The following HIBCH variants were observed in gnomAD, a reference collection of about 807,000 sequenced individuals.
The protein encoded by HIBCH is 3-hydroxyisobutyryl-CoA hydrolase, mitochondrial.
A neutral mutation model predicts 58.2 loss-of-function variants in HIBCH; 50 were observed. The observed-to-expected ratio is 0.86, with a 90% confidence interval of 0.68 to 1.09. The LOEUF (loss-of-function observed/expected upper bound fraction) is 1.09, where lower values mean the gene tolerates loss of function less well. Among genes scored for constraint, HIBCH ranks in the 50% least tolerant of loss-of-function variants. HIBCH has a pLI of 0.00. For missense variants in HIBCH, 450 were observed against 449.7 expected (o/e 1.00, Z -0.01); for synonymous variants, 151 against 146.9 (o/e 1.03, Z -0.20).
rs765699661 is a variant in HIBCH, at chr2:190,304,324, C to A, written c.78+6430G>T. ...GCTGATGTCCAAAGTCAAAAGGATA[C>A]ATCTAGTGAGGGCCTTCTTACTGGT... On this transcript the variant is annotated intron_variant, in intron 2 of 13. Coordinates refer to ENST00000359678, the MANE Select transcript of HIBCH (RefSeq NM_014362.4). The surrounding 1 kb of genome is among the most constrained non-coding windows in gnomAD (Gnocchi z 4.1). Among the ~76,000 whole-genome samples the A allele has an allele frequency of 6.6e-6, 1 of 151,344 alleles. No homozygotes were observed. The highest frequency in any genetic ancestry group is 1.5e-5 in the Non-Finnish European group (1 of 67,898).
chr2:190,271,512 G>C (rs1332747313), intron 6 of HIBCH, among the ~76,000 whole-genome samples: 1 of 151,716 alleles, frequency 6.6e-6, no homozygotes, highest in Non-Finnish European at 1.5e-5. Context: ...GCTGGTCTGA[G>C]ACTCCCAACC....
At chr2:190,220,313 T>TC (rs1685680816) in intron 11 of HIBCH, 1 of 152,166 alleles carries the variant, frequency 6.6e-6, no homozygotes, top group Non-Finnish European at 1.5e-5. Flanking sequence ...ATTCCCTACT[T>TC]CAAGATTCTG....
At chr2:190,287,810 C>G (rs944048641) in intron 5 of HIBCH, among the ~76,000 whole-genome samples, 172 bp from the exon 6 acceptor site, 1 of 152,104 alleles carries the variant, frequency 6.6e-6, no homozygotes, top group Non-Finnish European at 1.5e-5. Context: ...AAATGTCAAT[C>G]CAACACAATC....
intron 6 of HIBCH, among the ~76,000 whole-genome samples, chr2:190,272,055 T>G (rs1182604932): frequency 6.6e-6 from 1 of 152,186 alleles, no homozygotes; most frequent in African/African-American, 2.4e-5. Flanking sequence ...TAATTCCTCC[T>G]TCCTTAAGCC....
intron 2 of HIBCH, among the ~76,000 whole-genome samples, chr2:190,309,731 T>C (rs79012887): frequency 6.8e-6 from 1 of 146,782 alleles, no homozygotes; most frequent in Non-Finnish European, 1.5e-5. Flanking sequence ...AATTTTTGTA[T>C]TTTTTTTTTA....
In HIBCH at chr2:190,315,637, AATT is replaced by A. The variant is rs1262925944; in HGVS notation, c.35+4076_35+4078del. Among the ~76,000 whole-genome samples, 1 of 152,238 alleles carries A rather than the reference AATT, an allele frequency of 6.6e-6. No homozygotes were observed. The highest frequency in any genetic ancestry group is 2.4e-5 in the African/African-American group (1 of 41,464). ...ACATCACAAAGTAGTGCTTAGTGAA[AATT>A]ATTATCCCAGAAGTAGGCAAGGTGT... On this transcript the variant is annotated intron_variant, in intron 1 of 13. Coordinates refer to ENST00000359678, the MANE Select transcript of HIBCH (RefSeq NM_014362.4). The surrounding 1 kb of genome is among the most constrained non-coding windows in gnomAD (Gnocchi z 5.4).
intron 11 of HIBCH, 58 bp downstream of exon 11, chr2:190,244,829 C>T: frequency 9.2e-7 from 1 of 1,087,240 alleles, no homozygotes; most frequent in South Asian, 1.2e-5. Flanking sequence ...CTTAGAGAGG[C>T]TTCCCTGTCA....
chr2:190,197,515 A>G lies in HIBCH; in HGVS notation c.*18-7518T>C, dbSNP rs1315999472. Among the ~76,000 whole-genome samples the G allele has an allele frequency of 2.6e-5, 4 of 152,130 alleles. No individual in the cohort carries two copies. Among genetic ancestry groups the G allele is most frequent in the Admixed American group, 1.3e-4 (2 of 15,270 alleles). The stretch of plus-strand genomic sequence containing the variant: ...GCCTCTCTTCCCAATCTTGAACTCT[A>G]TCTTATAAATTCCAGCTGTTTTAGT... On this transcript the variant is annotated intron_variant, in intron 1 of 1. Transcript: ENST00000399855. This position sits in a 1 kb window ranked among gnomAD's most constrained non-coding sequence, Gnocchi z 4.0.
At position 190,294,587 on chromosome 2, in the gene HIBCH, C is replaced by G; in HGVS notation, c.263G>C (p.Gly88Ala). The change falls in exon 4 of 14, where the codon GGA becomes GCA. Residue 88 changes from glycine to alanine, a missense_variant. Coordinates refer to ENST00000359678, the MANE Select transcript of HIBCH (RefSeq NM_014362.4). Reference sequence around the variant, plus strand: ...GGCACAGAAAGCCTTTCCTCCTGCTCCCTTTATAATGATCAGGAAAGTTTC... The same window carrying G: ...GGCACAGAAAGCCTTTCCTCCTGCTGCCTTTATAATGATCAGGAAAGTTTC... ...DPETFLIIIK[G>A]AGGKAFCAGG... 4 of 1,612,850 alleles carry G rather than the reference C, an allele frequency of 2.5e-6. No homozygotes were observed. In the South Asian group the frequency reaches 4.4e-5, roughly 18 times the overall value.
At position 190,197,466 on chromosome 2, in the gene HIBCH, T is replaced by C. The variant is rs891223018; in HGVS notation, c.*18-7469A>G. 4.6e-5 allele frequency among the ~76,000 whole-genome samples: 7 copies of C among 152,188 alleles called. No individual in the cohort carries two copies. The highest frequency in any genetic ancestry group is 1.0e-4 in the Non-Finnish European group (7 of 68,032). On this transcript the variant is annotated intron_variant, in intron 1 of 1. Transcript: ENST00000399855. This position sits in a 1 kb window ranked among gnomAD's most constrained non-coding sequence, Gnocchi z 4.0. Reference sequence around the variant, plus strand: ...CCTGGACATGCACATCCCAGTACCCTTGCCAAGTCTCATGCAGATTTCTGC... The same window carrying C: ...CCTGGACATGCACATCCCAGTACCCCTGCCAAGTCTCATGCAGATTTCTGC...
chr2:190,241,429 T>C lies in HIBCH; in HGVS notation c.891+3458A>G, dbSNP rs1686451492. Reference sequence around the variant, plus strand: ...CTTGACTCTTTATCCAATTTGCTAGTCTGTGTCTTTTAATTGGTGCATTTA... The same window carrying C: ...CTTGACTCTTTATCCAATTTGCTAGCCTGTGTCTTTTAATTGGTGCATTTA... On this transcript the variant is annotated intron_variant, in intron 11 of 13. Transcript: ENST00000359678. 2.0e-5 allele frequency among the ~76,000 whole-genome samples: 3 copies of C among 152,196 alleles called. No individual in the cohort carries two copies. The South Asian group carries it at 6.2e-4, about 31-fold the overall frequency.
At chr2:190,295,396 T>C (rs1575756322) in intron 3 of HIBCH, among the ~76,000 whole-genome samples, 1 of 152,224 alleles carries the variant, frequency 6.6e-6, no homozygotes, top group African/African-American at 2.4e-5. Flanking sequence ...CTTATACACA[T>C]AGCCTGAAAG....
intron 6 of HIBCH, among the ~76,000 whole-genome samples, chr2:190,265,121 TCA>T (rs1687195721): frequency 9.2e-5 from 4 of 43,714 alleles, no homozygotes; most frequent in African/African-American, 4.6e-4. Flanking sequence ...AGACTCCGTC[TCA>T]AAAAAAAAAA....
intron 6 of HIBCH, among the ~76,000 whole-genome samples, chr2:190,265,855 T>C (rs1278605634): frequency 6.6e-6 from 1 of 152,234 alleles, no homozygotes; most frequent in Non-Finnish European, 1.5e-5. Context: ...GGATGTGCTA[T>C]TTTTCATTTC....
At chr2:190,266,991 A>C (rs1452048258) in intron 6 of HIBCH, among the ~76,000 whole-genome samples, 1 of 152,082 alleles carries the variant, frequency 6.6e-6, no homozygotes, top group African/African-American at 2.4e-5. Flanking sequence ...TCCTGACCTC[A>C]AGTGACCCAA....
At chr2:190,195,078 G>A (rs1199379319) in intron 1 of HIBCH, among the ~76,000 whole-genome samples, 5 of 152,200 alleles carry the variant, frequency 3.3e-5, no homozygotes, top group South Asian at 2.1e-4. Flanking sequence ...TGCCTAGGCT[G>A]GTCTTGAACT....
intron 3 of HIBCH, among the ~76,000 whole-genome samples, 153 bp from the exon 4 acceptor site, chr2:190,294,783 A>C (rs187102120): frequency 3.3e-5 from 5 of 152,308 alleles, no homozygotes; most frequent in Admixed American, 1.3e-4. Context: ...AGAAGAACGA[A>C]TCTCATCCCA....
chr2:190,305,311 T>C (rs1332160341), intron 2 of HIBCH, among the ~76,000 whole-genome samples: 2 of 152,144 alleles, frequency 1.3e-5, no homozygotes, highest in Admixed American at 6.5e-5. Context: ...CTCACAGTTC[T>C]GAAGGCTGCA....
At chr2:190,297,020 C>T (rs2105992833) in intron 2 of HIBCH, 67 bp from the exon 3 acceptor site, 19 of 1,424,870 alleles carry the variant, frequency 1.3e-5, no homozygotes, top group Non-Finnish European at 1.9e-5. Flanking sequence ...AACATCAAAA[C>T]ATACATATCA....
Sources: allele counts gnomAD v4.1 joint callset (sites outside exome capture counted in the v4.1 genomes callset), GRCh38; gene constraint gnomAD v4.1.1; non-coding constraint Gnocchi (gnomAD v3.1); transcripts MANE v1.5; gene names NCBI Gene and HGNC (gene_info 2026-07-23, HGNC 2026-07-21).